ACVR2A: variants seen among roughly 807,000 people sequenced by gnomAD.
The protein encoded by ACVR2A is activin receptor type-2A.
Under a neutral mutation model 61.4 loss-of-function variants are expected in ACVR2A, and 7 were observed. That is an observed-to-expected ratio of 0.11 (90% CI 0.06 to 0.21). The LOEUF (loss-of-function observed/expected upper bound fraction) is 0.21, where lower values mean the gene tolerates loss of function less well. Ranked by LOEUF, ACVR2A falls within the 10% of genes least tolerant of loss-of-function variation. The pLI is 1.00. For synonymous variants in ACVR2A, 193 were observed against 208.3 expected, an observed-to-expected ratio of 0.93 and a Z score of 0.63; for missense variants, 322 against 621.7, an observed-to-expected ratio of 0.52 and a Z score of 5.13.
chr2:147,886,102 A>G (rs1270380902), intron 1 of ACVR2A, among the ~76,000 whole-genome samples: 3 of 152,084 alleles, frequency 2.0e-5, no homozygotes, highest in African/African-American at 7.2e-5. Flanking sequence ...CTATACCAGA[A>G]TTTTCCAAGT....
intron 2 of ACVR2A, among the ~76,000 whole-genome samples, chr2:147,899,001 A>T (rs1349740443): frequency 6.6e-6 from 1 of 152,042 alleles, no homozygotes; most frequent in Non-Finnish European, 1.5e-5. Context: ...GCATGTGTGT[A>T]TGTATTTATA....
intron 5 of ACVR2A, 129 bp from the exon 6 acceptor site, chr2:147,917,154 A>C: frequency 1.0e-6 from 1 of 989,462 alleles, no homozygotes; most frequent in Non-Finnish European, 1.4e-6. Context: ...ACAAAACAGA[A>C]CAAAAAATTT....
chr2:147,923,991 A>G (rs1573715520), intron 9 of ACVR2A, among the ~76,000 whole-genome samples: 2 of 152,206 alleles, frequency 1.3e-5, no homozygotes, highest in East Asian at 3.9e-4. Context: ...GAAATTCAAT[A>G]TAGGGTACTA....
intron 1 of ACVR2A, among the ~76,000 whole-genome samples, chr2:147,865,145 C>G (rs1330721177): frequency 6.6e-6 from 1 of 152,028 alleles, no homozygotes; most frequent in Non-Finnish European, 1.5e-5. Flanking sequence ...AAAATAAAAC[C>G]ACCACGAGGA....
chr2:147,881,325 T>C (rs1686293059), intron 1 of ACVR2A, among the ~76,000 whole-genome samples: 1 of 152,298 alleles, frequency 6.6e-6, no homozygotes, highest in East Asian at 1.9e-4. Flanking sequence ...AACCAAATAA[T>C]AACAATTTGA....
At chr2:147,898,621 A>G (rs913410278) in intron 2 of ACVR2A, among the ~76,000 whole-genome samples, 3 of 152,134 alleles carry the variant, frequency 2.0e-5, no homozygotes, top group African/African-American at 7.2e-5. Context: ...TCAGTTTGTT[A>G]TTAAGATACA....
At chr2:147,874,169 A>T (rs184998762) in intron 1 of ACVR2A, among the ~76,000 whole-genome samples, 1 of 152,064 alleles carries the variant, frequency 6.6e-6, no homozygotes, top group Admixed American at 6.6e-5. Flanking sequence ...GTCACAGTAT[A>T]TAAGTGGTTA....
intron 1 of ACVR2A, among the ~76,000 whole-genome samples, chr2:147,858,462 G>A (rs370424555): frequency 9.9e-5 from 15 of 152,036 alleles, no homozygotes; most frequent in African/African-American, 3.6e-4. Context: ...GTATGATATG[G>A]CCCCATTCCA....
chr2:147,852,120 T>C (rs938638564), intron 1 of ACVR2A, among the ~76,000 whole-genome samples: 9 of 152,100 alleles, frequency 5.9e-5, no homozygotes, highest in African/African-American at 1.9e-4. Context: ...TTGAATTATA[T>C]AGATTTAGAG....
rs530900914 is a variant in ACVR2A, at chr2:147,907,336, A to G, written c.528+7438A>G. On this transcript the variant is annotated intron_variant, in intron 4 of 10. Coordinates refer to ENST00000241416, the MANE Select transcript of ACVR2A (RefSeq NM_001616.5). ...GTGTCTTTATAATAGAATGATTTAT[A>G]TTCCTTTGGGTATATACCCAGTAAT... Among the ~76,000 whole-genome samples the G allele has an allele frequency of 9.2e-5, 14 of 152,290 alleles. No homozygotes were observed. The East Asian group carries it at 2.5e-3, about 27-fold the overall frequency.
intron 4 of ACVR2A, among the ~76,000 whole-genome samples, chr2:147,904,543 G>A (rs188727999): frequency 6.6e-6 from 1 of 151,914 alleles, no homozygotes; most frequent in African/African-American, 2.4e-5. Flanking sequence ...AATAACATCA[G>A]CCTGTTCAAT....
At chr2:147,867,544 G>A (rs1232056053) in intron 1 of ACVR2A, among the ~76,000 whole-genome samples, 2 of 151,698 alleles carry the variant, frequency 1.3e-5, no homozygotes, top group African/African-American at 2.4e-5. Flanking sequence ...TTACCATCTC[G>A]TATCTGGACT....
At position 147,928,368 on chromosome 2, in the gene ACVR2A, C is replaced by T. The variant is rs930565405; in HGVS notation, c.*1094C>T. 1 of 152,028 alleles carries T rather than the reference C, an allele frequency of 6.6e-6. No individual in the cohort carries two copies. The highest frequency in any genetic ancestry group is 6.6e-5 in the Admixed American group (1 of 15,128). 9.4% of individuals were successfully genotyped at this position (152,028 alleles called of 1,614,324 possible). ...TTCTTTATCACTGTTTTAGGATCAC[C>T]TCAGGAAGTGTCGTTACCCAGAATT... On this transcript the variant is annotated 3_prime_UTR_variant, in exon 11 of 11. Coordinates refer to ENST00000241416, the MANE Select transcript of ACVR2A (RefSeq NM_001616.5).
At chr2:147,888,680 T>G (rs57870939) in intron 1 of ACVR2A, among the ~76,000 whole-genome samples, 350 of 130,964 alleles carry the variant, frequency 2.7e-3, no homozygotes, top group Non-Finnish European at 3.1e-3. Context: ...TGCTGCTGCT[T>G]CTTTTTTTTT....
At chr2:147,911,153 A>G (rs1290729844) in intron 4 of ACVR2A, among the ~76,000 whole-genome samples, 2 of 152,118 alleles carry the variant, frequency 1.3e-5, no homozygotes, top group Non-Finnish European at 2.9e-5. Context: ...TCGAGAAGGC[A>G]ATTCCAATTT....
chr2:147,878,635 A>T (rs1177668014), intron 1 of ACVR2A, among the ~76,000 whole-genome samples: 2 of 152,094 alleles, frequency 1.3e-5, no homozygotes, highest in African/African-American at 2.4e-5. Flanking sequence ...TAGGCTGGGC[A>T]TGGTGGCTCA....
intron 9 of ACVR2A, among the ~76,000 whole-genome samples, 169 bp downstream of exon 9, chr2:147,923,280 A>G (rs1404741848): frequency 6.6e-6 from 1 of 151,834 alleles, no homozygotes; most frequent in Non-Finnish European, 1.5e-5. Flanking sequence ...GTAGGAGAGG[A>G]AAGGAATTGC....
chr2:147,844,957 C>CGTT (rs1685260292), upstream of ACVR2A: 1 of 408,724 alleles, frequency 2.4e-6, no homozygotes, highest in Admixed American at 6.4e-5. Flanking sequence ...TATTTTTTAT[C>CGTT]GTTGTGCTCT....
intron 4 of ACVR2A, among the ~76,000 whole-genome samples, chr2:147,903,752 C>T (rs1686926205): frequency 6.6e-6 from 1 of 151,908 alleles, no homozygotes; most frequent in African/African-American, 2.4e-5. Context: ...TTTCATTTGT[C>T]ATTCATATAA....
Sources: allele counts gnomAD v4.1 joint callset (sites outside exome capture counted in the v4.1 genomes callset), GRCh38; gene constraint gnomAD v4.1.1; transcripts MANE v1.5; gene names NCBI Gene and HGNC (gene_info 2026-07-23, HGNC 2026-07-21).